HAUS5: variants seen among roughly 807,000 people sequenced by gnomAD.
The protein encoded by HAUS5 is HAUS augmin like complex subunit 5.
Under a neutral mutation model 94.1 loss-of-function variants are expected in HAUS5, and 67 were observed. The ratio of observed to expected loss-of-function variants is 0.71; its 90% CI spans 0.58 to 0.87. The LOEUF (loss-of-function observed/expected upper bound fraction) is 0.87. Ranked by LOEUF, HAUS5 falls within the 40% of genes least tolerant of loss-of-function variation. The pLI is 0.00. For synonymous variants in HAUS5, 339 were observed against 355.4 expected (o/e 0.95, Z 0.52); for missense variants, 739 against 825.6 (o/e 0.90, Z 1.29).
intron 6 of HAUS5, among the ~76,000 whole-genome samples, chr19:35,616,876 G>A (rs958903770): frequency 1.3e-5 from 2 of 152,190 alleles, no homozygotes; most frequent in African/African-American, 2.4e-5. Context: ...TCTGAGCAGG[G>A]ACATGATCTT....
At chr19:35,614,761 C>T (rs929163272) in intron 4 of HAUS5, among the ~76,000 whole-genome samples, 2 of 151,948 alleles carry the variant, frequency 1.3e-5, no homozygotes, top group African/African-American at 4.8e-5. Context: ...GGGAGGCTTC[C>T]AGGAGGCCTT....
intron 11 of HAUS5, 50 bp downstream of exon 11, chr19:35,618,515 C>T (rs1168609921): frequency 1.2e-6 from 2 of 1,613,682 alleles, no homozygotes; most frequent in Non-Finnish European, 1.7e-6. Flanking sequence ...TCCTTAATCC[C>T]CTCACCCATG....
In HAUS5 at chr19:35,620,031, G is replaced by A. The variant is rs768478517; in HGVS notation, c.1426G>A (p.Val476Ile). ...RPGELKPLPT[V>I]LPSIHQLHPA... ...CCGTAGGTTGAAGCCCCTGCCCACG[G>A]TCCTCCCATCCATCCACCAGCTGCA... The change falls in exon 16 of 19, where the codon GTC (valine) becomes ATC (isoleucine). Residue 476 changes from valine (V) to isoleucine (I), a missense_variant. Physicochemically the swap from Val to Ile is conservative, Grantham distance 29. Transcript: ENST00000203166. 1.2e-6 allele frequency: 2 copies of A among 1,613,020 alleles called. No individual in the cohort carries two copies. The highest frequency in any genetic ancestry group is 1.7e-6 in the Non-Finnish European group (2 of 1,179,608).
In HAUS5 at chr19:35,619,018, A is replaced by C; in HGVS notation, c.1148A>C (p.Gln383Pro). 6.2e-7 allele frequency: 1 copy of C among 1,608,184 alleles called. No homozygotes were observed. The highest frequency in any genetic ancestry group is 1.1e-5 in the South Asian group (1 of 90,522). ...CTGCTGAGGGAGCTACAGGCCAAACAGCAGCGGATCCTGCACTGGCGCCAG... is the reference window on the plus strand; with the variant it reads ...CTGCTGAGGGAGCTACAGGCCAAACCGCAGCGGATCCTGCACTGGCGCCAG... Reference protein sequence around the residue: ...QLLLRELQAKQQRILHWRQLV... With the variant: ...QLLLRELQAKPQRILHWRQLV... Residue 383 changes from glutamine (Q) to proline (P), a missense_variant, in exon 13 of 19, where the codon CAG becomes CCG. Gln to Pro is a moderately conservative substitution (Grantham distance 76). Transcript: ENST00000203166.
Position 35,619,641 on chromosome 19 carries a change from T to A in HAUS5, c.1289T>A (p.Val430Asp). 7.2e-7 allele frequency: 1 copy of A among 1,390,488 alleles called. No homozygotes were observed. The highest frequency in any genetic ancestry group is 1.6e-5 in the African/African-American group (1 of 61,026). The allele number at this position is 1,390,488 out of a possible 1,614,324, so 86.1% of individuals were successfully genotyped here. A position where few individuals can be genotyped will look rare whatever the true frequency, so the allele number is the denominator to read the frequency against. ...EVLALVQRKVVPTFEAVAPQS... is the reference protein window; with the variant it reads ...EVLALVQRKVDPTFEAVAPQS... ...CTAGCTCTGGTCCAGCGAAAGGTGG[T>A]CCCTACATTTGAGGCAGTGGCACCA... Residue 430 changes from valine (V) to aspartate (D), a missense_variant, in exon 15 of 19, where the codon GTC (valine) becomes GAC (aspartate). By Grantham distance (152) the Val-to-Asp change is radical. Coordinates refer to ENST00000203166, the MANE Select transcript of HAUS5 (RefSeq NM_015302.2).
chr19:35,624,450 T>TTTTC lies in HAUS5; in HGVS notation c.*1473_*1476dup, dbSNP rs201846698. Reference sequence around the variant, plus strand: ...GCTGGATTCTCTTAGGTGCTTTTCTTTTTCTTTCTTTCTTTCTTTTTTTGA... The same window carrying TTTTC: ...GCTGGATTCTCTTAGGTGCTTTTCTTTTTCTTTCTTTCTTTCTTTCTTTTTTTGA... On this transcript the variant is annotated 3_prime_UTR_variant, in exon 19 of 19. Transcript: ENST00000203166. 1 of 151,104 alleles carries TTTTC rather than the reference T, an allele frequency of 6.6e-6. No individual in the cohort carries two copies. Among genetic ancestry groups the TTTTC allele is most frequent in the Non-Finnish European group, 1.5e-5 (1 of 67,886 alleles). 9.4% of individuals were successfully genotyped at this position (151,104 alleles called of 1,614,324 possible). A position where few individuals can be genotyped will look rare whatever the true frequency, so the allele number is the denominator to read the frequency against.
At position 35,623,235 on chromosome 19, in the gene HAUS5, A is replaced by C. The variant is rs1433112435; in HGVS notation, c.*242A>C. ...CATTCTCAGCAAAAAGTAATTGAGC[A>C]CCTCCTCTAGGCGCTGGGGAGTCCA... On this transcript the variant is annotated 3_prime_UTR_variant, in exon 19 of 19. Coordinates refer to ENST00000203166, the MANE Select transcript of HAUS5 (RefSeq NM_015302.2). The C allele has an allele frequency of 1.7e-5, 9 of 515,304 alleles. No individual in the cohort carries two copies. The highest frequency in any genetic ancestry group is 3.1e-5 in the Non-Finnish European group (9 of 289,498). 31.9% of individuals were successfully genotyped at this position (515,304 alleles called of 1,614,324 possible).
intron 17 of HAUS5, 74 bp from the exon 18 acceptor site, chr19:35,622,527 A>T: frequency 6.7e-7 from 1 of 1,502,720 alleles, no homozygotes; most frequent in Non-Finnish European, 9.1e-7. Flanking sequence ...GGACTGGAGA[A>T]TTGGGGACTC....
At position 35,622,950 on chromosome 19, in the gene HAUS5, G is replaced by T. The variant is rs771359954; in HGVS notation, c.1859G>T (p.Arg620Leu). ...QGLSLPQWRL[R>L]WVQAQGALQK... ...CTGTCCCTGCCCCAGTGGCGGCTGC[G>T]CTGGGTTCAGGCCCAGGGGGCCCTG... The change falls in exon 19 of 19, where the codon CGC (arginine) becomes CTC (leucine). Residue 620 changes from arginine (R) to leucine (L), a missense_variant. Coordinates refer to ENST00000203166, the MANE Select transcript of HAUS5 (RefSeq NM_015302.2). 1.1e-5 allele frequency: 18 copies of T among 1,613,324 alleles called. No individual in the cohort carries two copies. The East Asian group carries it at 2.0e-4, about 18-fold the overall frequency.
rs182316259 is a variant in HAUS5, at chr19:35,623,078, G to A, written c.*85G>A. 12 of 959,786 alleles carry A rather than the reference G, an allele frequency of 1.3e-5. No homozygotes were observed. Among genetic ancestry groups the A allele is most frequent in the Middle Eastern group, 3.4e-4 (1 of 2,942 alleles). 59.5% of individuals were successfully genotyped at this position (959,786 alleles called of 1,614,324 possible). A position where few individuals can be genotyped will look rare whatever the true frequency, so the allele number is the denominator to read the frequency against. ...CCCAGGACATTTGGAAGAAAGCAGCGCCAGGATTCCTCGGCAGTCGTCCCC... is the reference window on the plus strand; with the variant it reads ...CCCAGGACATTTGGAAGAAAGCAGCACCAGGATTCCTCGGCAGTCGTCCCC... On this transcript the variant is annotated 3_prime_UTR_variant, in exon 19 of 19. Transcript: ENST00000203166.
At chr19:35,617,094 C>T (rs1347989661) in intron 6 of HAUS5, 30 bp from the exon 7 acceptor site, 1 of 1,594,096 alleles carries the variant, frequency 6.3e-7, no homozygotes, top group Non-Finnish European at 8.6e-7. Flanking sequence ...CTCCCAGGGA[C>T]CCCAGCCCCA....
Position 35,615,299 on chromosome 19 carries a change from C to G in HAUS5, c.398C>G (p.Ala133Gly). 1 of 1,613,886 alleles carries G rather than the reference C, an allele frequency of 6.2e-7. No homozygotes were observed. The highest frequency in any genetic ancestry group is 8.5e-7 in the Non-Finnish European group (1 of 1,179,924). The change falls in exon 6 of 19, where the codon GCT (alanine) becomes GGT (glycine). Residue 133 changes from alanine (A) to glycine (G), a missense_variant. Transcript: ENST00000203166. ...CGAGCTCTCCTCCTCCGGGCCCAAG[C>G]TGGGGCCATGCGAAGACAGCAGCAT... ...QRRALLLRAQAGAMRRQQHTL... is the reference protein window; with the variant it reads ...QRRALLLRAQGGAMRRQQHTL...
Position 35,617,779 on chromosome 19 carries a change from T to G in HAUS5, c.639-76T>G, listed in dbSNP as rs2071957621. 11 of 1,254,680 alleles carry G rather than the reference T, an allele frequency of 8.8e-6. No homozygotes were observed. In the South Asian group the frequency reaches 1.2e-4, roughly 14 times the overall value. The allele number at this position is 1,254,680 out of a possible 1,614,324, so 77.7% of individuals were successfully genotyped here. On this transcript the variant is annotated intron_variant, in intron 8 of 18. Coordinates refer to ENST00000203166, the MANE Select transcript of HAUS5 (RefSeq NM_015302.2). ...ATAGGGAAGATGACAGCCCCTACCT[T>G]ATAGGGTGGTGGTGATAACTAGAGG...
chr19:35,615,392 C>G lies in HAUS5; in HGVS notation c.485+6C>G, dbSNP rs549865590. 6.3e-7 allele frequency: 1 copy of G among 1,598,862 alleles called. No individual in the cohort carries two copies. Among genetic ancestry groups the G allele is most frequent in the Admixed American group, 1.7e-5 (1 of 58,190 alleles). ...CGCCTGCAGGACATGGAGAGGTGGG[C>G]CTCAGGGACCCACCCTCACCAGGCT... On this transcript the variant is annotated splice_donor_region_variant and intron_variant, in intron 6 of 18. Transcript: ENST00000203166.
At position 35,618,472 on chromosome 19, in the gene HAUS5, C is replaced by G; in HGVS notation, c.885+7C>G. The G allele has an allele frequency of 6.2e-7, 1 of 1,614,152 alleles. No individual in the cohort carries two copies. Among genetic ancestry groups the G allele is most frequent in the Non-Finnish European group, 8.5e-7 (1 of 1,179,988 alleles). Reference sequence around the variant, plus strand: ...CATGGTTCATCTCATCCAGGTGACCCCAGGGCTCGCCTCCCCACCACATTC... The same window carrying G: ...CATGGTTCATCTCATCCAGGTGACCGCAGGGCTCGCCTCCCCACCACATTC... On this transcript the variant is annotated splice_region_variant and intron_variant, in intron 11 of 18. Coordinates refer to ENST00000203166, the MANE Select transcript of HAUS5 (RefSeq NM_015302.2).
Position 35,618,389 on chromosome 19 carries a change from T to C in HAUS5, c.822-13T>C. The C allele has an allele frequency of 1.9e-6, 3 of 1,602,654 alleles. No homozygotes were observed. Among genetic ancestry groups the C allele is most frequent in the Non-Finnish European group, 2.6e-6 (3 of 1,171,950 alleles). On this transcript the variant is annotated splice_polypyrimidine_tract_variant and intron_variant, in intron 10 of 18. Coordinates refer to ENST00000203166, the MANE Select transcript of HAUS5 (RefSeq NM_015302.2). ...GCAGCACGGCTCCCTCAGCAGCTCTTCCCCCACCCCAGACCCCAGGCCCCG... is the reference window on the plus strand; with the variant it reads ...GCAGCACGGCTCCCTCAGCAGCTCTCCCCCCACCCCAGACCCCAGGCCCCG...
At chr19:35,620,162 GC>G in intron 16 of HAUS5, 32 bp from the exon 17 acceptor site, 1 of 1,610,990 alleles carries the variant, frequency 6.2e-7, no homozygotes, top group South Asian at 1.1e-5. Context: ...CCCCAGCCCC[GC>G]CCCAGGTGAC....
chr19:35,613,834 C>T (rs1046457201), intron 2 of HAUS5, 34 bp from the exon 3 acceptor site: 1 of 1,614,056 alleles, frequency 6.2e-7, no homozygotes, highest in Admixed American at 1.7e-5. Context: ...AGGTGAGGCC[C>T]ATAGTAACTC....
intron 6 of HAUS5, 68 bp downstream of exon 6, chr19:35,615,454 T>TAA: frequency 8.2e-7 from 1 of 1,215,016 alleles, no homozygotes; most frequent in Non-Finnish European, 1.1e-6. Flanking sequence ...CTCAGGGCTC[T>TAA]GCCCTGATCC....
Sources: allele counts gnomAD v4.1 joint callset (sites outside exome capture counted in the v4.1 genomes callset), GRCh38; gene constraint gnomAD v4.1.1; transcripts MANE v1.5; gene names NCBI Gene and HGNC (gene_info 2026-07-23, HGNC 2026-07-21).